The following GRID2 variants were observed in gnomAD, a reference collection of about 807,000 sequenced individuals.
GRID2 encodes glutamate ionotropic receptor delta type subunit 2.
Under a neutral mutation model 114.8 loss-of-function variants are expected in GRID2, and 33 were observed. The observed-to-expected ratio is 0.29, with a 90% confidence interval of 0.22 to 0.38. The LOEUF (loss-of-function observed/expected upper bound fraction) is 0.38. GRID2 is among the 10% of genes least tolerant of loss of function. The pLI is 1.00. For missense variants in GRID2, 1,184 were observed against 1,257.7 expected, an observed-to-expected ratio of 0.94 and a Z score of 0.89; for synonymous variants, 505 against 449.9, an observed-to-expected ratio of 1.12 and a Z score of -1.55.
rs1342959565 is a variant in GRID2 at position 93,616,362 on chromosome 4, T to G, written c.2194-9907T>G. ...AGCTCGAGACCCGCCTGTCCAACAT[T>G]GCAAAACCCTGTCTCTACCAAAAAT... On this transcript the variant is annotated intron_variant, in intron 13 of 15. Transcript: ENST00000282020. 3.3e-5 allele frequency among the ~76,000 whole-genome samples: 5 copies of G among 151,784 alleles called. No individual in the cohort carries two copies. The South Asian group carries it at 1.0e-3, about 32-fold the overall frequency.
At chr4:92,329,102 T>C (rs1188296852) in intron 1 of GRID2, among the ~76,000 whole-genome samples, 1 of 152,068 alleles carries the variant, frequency 6.6e-6, no homozygotes, top group Non-Finnish European at 1.5e-5. Flanking sequence ...AATAGTCATT[T>C]TTTCCATGTC....
rs1304149043 is a variant in GRID2 at position 93,490,680 on chromosome 4, A to T, written c.1900A>T (p.Met634Leu). ...CACGACTCTGGCTACCCGAATGATG[A>T]TGGGGGCTTGGTGGCTATTTGCTTT... Reference protein sequence around the residue: ...PYTTLATRMMMGAWWLFALIV... With the variant: ...PYTTLATRMMLGAWWLFALIV... The change falls in exon 12 of 16, where the codon ATG (methionine) becomes TTG (leucine). Residue 634 changes from methionine (M) to leucine (L), a missense_variant. Physicochemically the swap from Met to Leu is conservative, Grantham distance 15. Transcript: ENST00000282020. 3.1e-6 allele frequency: 5 copies of T among 1,610,770 alleles called. No homozygotes were observed. Among genetic ancestry groups the T allele is most frequent in the Non-Finnish European group, 4.2e-6 (5 of 1,177,586 alleles).
chr4:92,568,304 A>C (rs1727434813), intron 1 of GRID2, among the ~76,000 whole-genome samples: 1 of 151,962 alleles, frequency 6.6e-6, no homozygotes. Context: ...ATTATAGAAG[A>C]CTCAATAAGC....
At chr4:92,636,623 T>C (rs878980221) in intron 2 of GRID2, among the ~76,000 whole-genome samples, 1 of 151,984 alleles carries the variant, frequency 6.6e-6, no homozygotes, top group Admixed American at 6.6e-5. Flanking sequence ...ATTCTAGTGG[T>C]TTCCATTTCG....
intron 1 of GRID2, among the ~76,000 whole-genome samples, chr4:92,522,525 C>A (rs1339634047): frequency 6.6e-6 from 1 of 151,938 alleles, no homozygotes; most frequent in Non-Finnish European, 1.5e-5. Context: ...TCACAAAGTG[C>A]AAAGGTGGAA....
chr4:93,722,506 A>G (rs943634397), intron 14 of GRID2, among the ~76,000 whole-genome samples: 4 of 152,136 alleles, frequency 2.6e-5, no homozygotes, highest in African/African-American at 4.8e-5. Flanking sequence ...TCAAGTTCAT[A>G]CTCTTCACAC....
intron 2 of GRID2, among the ~76,000 whole-genome samples, chr4:92,765,680 A>C (rs1738225247): frequency 6.6e-6 from 1 of 152,188 alleles, no homozygotes; most frequent in Admixed American, 6.5e-5. Context: ...TCCCTATGGC[A>C]CTGCTAATGT....
At chr4:92,512,527 T>A (rs987963511) in intron 1 of GRID2, among the ~76,000 whole-genome samples, 5 of 151,888 alleles carry the variant, frequency 3.3e-5, no homozygotes, top group Admixed American at 6.6e-5. Flanking sequence ...AGATATCATT[T>A]AGGAAGGAAA....
chr4:92,638,487 A>T (rs1288469736), intron 2 of GRID2, among the ~76,000 whole-genome samples: 1 of 147,546 alleles, frequency 6.8e-6, no homozygotes, highest in Admixed American at 6.8e-5. Context: ...TAATATATAA[A>T]ATAAAATTTT....
At chr4:93,566,669 C>A (rs916554002) in intron 13 of GRID2, among the ~76,000 whole-genome samples, 10 of 152,018 alleles carry the variant, frequency 6.6e-5, no homozygotes, top group African/African-American at 2.4e-4. Context: ...ACTTGGGAGG[C>A]TGAGGTATGA....
intron 2 of GRID2, among the ~76,000 whole-genome samples, chr4:92,964,944 C>A (rs1173743801): frequency 1.3e-5 from 2 of 151,992 alleles, no homozygotes; most frequent in East Asian, 3.9e-4. Flanking sequence ...ATGAACTTTT[C>A]TTTTACATTT....
intron 8 of GRID2, among the ~76,000 whole-genome samples, chr4:93,256,595 G>T (rs1429733544): frequency 6.6e-6 from 1 of 151,640 alleles, no homozygotes; most frequent in Non-Finnish European, 1.5e-5. Context: ...TCATCCAAAG[G>T]TTTTGAGTAC....
chr4:93,101,166 A>G (rs1449888148), intron 3 of GRID2, among the ~76,000 whole-genome samples: 1 of 152,124 alleles, frequency 6.6e-6, no homozygotes, highest in East Asian at 1.9e-4. Context: ...TATGACATGT[A>G]CATATCATAT....
chr4:92,470,692 C>A (rs568570756), intron 1 of GRID2, among the ~76,000 whole-genome samples: 26 of 151,984 alleles, frequency 1.7e-4, no homozygotes, highest in Admixed American at 1.4e-3. Flanking sequence ...GAACTGACTG[C>A]AATCATTCAG....
At chr4:93,767,949 C>A (rs1262533027) in intron 14 of GRID2, among the ~76,000 whole-genome samples, 19 of 152,208 alleles carry the variant, frequency 1.2e-4, no homozygotes, top group Admixed American at 1.2e-3. Context: ...AATATACCTT[C>A]ATGACCCCTG....
At chr4:92,729,902 A>G (rs1736251131) in intron 2 of GRID2, among the ~76,000 whole-genome samples, 1 of 151,942 alleles carries the variant, frequency 6.6e-6, no homozygotes, top group African/African-American at 2.4e-5. Context: ...AATTGGTAAC[A>G]ACAACAACAA....
In GRID2 at chr4:92,988,572, G is replaced by C. The variant is rs998406363; in HGVS notation, c.245-96423G>C. On this transcript the variant is annotated intron_variant, in intron 2 of 15. Coordinates refer to ENST00000282020, the MANE Select transcript of GRID2 (RefSeq NM_001510.4). ...GAGAGGATTGCACAACCATGAATCA[G>C]AGATCATTGGGGACAATCCTACAGG... is the stretch of plus-strand genomic sequence containing the variant. Among the ~76,000 whole-genome samples, 5 of 152,162 alleles carry C rather than the reference G, an allele frequency of 3.3e-5. No individual in the cohort carries two copies. In the East Asian group the frequency reaches 9.8e-4, roughly 30 times the overall value.
intron 1 of GRID2, among the ~76,000 whole-genome samples, chr4:92,539,877 G>T (rs59455002): frequency 6.6e-6 from 1 of 151,984 alleles, no homozygotes; most frequent in Non-Finnish European, 1.5e-5. Context: ...AAGTCGGGTA[G>T]CTACCTGACT....
intron 1 of GRID2, among the ~76,000 whole-genome samples, chr4:92,489,157 C>T (rs894483490): frequency 7.2e-5 from 11 of 152,104 alleles, no homozygotes; most frequent in African/African-American, 2.7e-4. Flanking sequence ...ACTGTAACTA[C>T]AAACAGCAAT....
Sources: gnomAD v4.1 joint callset for allele counts (sites outside exome capture counted in the v4.1 genomes callset) on GRCh38, gnomAD v4.1.1 for gene constraint, MANE v1.5 for transcripts, NCBI Gene and HGNC (gene_info 2026-07-23, HGNC 2026-07-21) for gene names.